Variants in EHBP1 observed in about 807,000 individuals in gnomAD.
The protein encoded by EHBP1 is EH domain binding protein 1.
Under a neutral mutation model 144.0 loss-of-function variants are expected in EHBP1, and 55 were observed. The ratio of observed to expected loss-of-function variants is 0.38; its 90% CI spans 0.31 to 0.48. The LOEUF (loss-of-function observed/expected upper bound fraction) is 0.48. EHBP1 is among the 20% of genes least tolerant of loss of function. The pLI is 0.98. For missense variants in EHBP1, 1,200 were observed against 1,364.2 expected (o/e 0.88, Z 1.90); for synonymous variants, 469 against 472.7 (o/e 0.99, Z 0.10).
At chr2:62,832,438 C>CTTTTTTTTT (rs202005406) in intron 7 of EHBP1, among the ~76,000 whole-genome samples, 7 of 117,814 alleles carry the variant, frequency 5.9e-5, no homozygotes, top group South Asian at 2.9e-4. Flanking sequence ...TTTCTTTTTT[C>CTTTTTTTTT]TTTTTTTTTT....
intron 19 of EHBP1, among the ~76,000 whole-genome samples, chr2:63,032,386 G>A (rs1559094321): frequency 6.6e-6 from 1 of 151,582 alleles, no homozygotes; most frequent in Non-Finnish European, 1.5e-5. Flanking sequence ...GGCTAACACG[G>A]TGAAACCCCG....
intron 8 of EHBP1, among the ~76,000 whole-genome samples, chr2:62,863,513 G>T (rs1447828946): frequency 6.6e-6 from 1 of 152,074 alleles, no homozygotes; most frequent in Non-Finnish European, 1.5e-5. Flanking sequence ...AGAAAAACTT[G>T]ATATATCTAT....
At chr2:62,955,733 G>A in intron 14 of EHBP1, 73 bp downstream of exon 14, 3 of 1,499,012 alleles carry the variant, frequency 2.0e-6, no homozygotes, top group Admixed American at 2.1e-5. Flanking sequence ...TAATTTGCTT[G>A]TATTTCTGCT....
intron 2 of EHBP1, among the ~76,000 whole-genome samples, chr2:62,746,653 C>T (rs200436213): frequency 5.3e-5 from 8 of 151,896 alleles, no homozygotes; most frequent in South Asian, 2.1e-4. Context: ...GAAGTAATTG[C>T]GGTTTTAGTC....
chr2:62,749,512 G>T (rs2039472541), intron 3 of EHBP1, among the ~76,000 whole-genome samples: 1 of 152,168 alleles, frequency 6.6e-6, no homozygotes. Context: ...GTAATGGGAT[G>T]GCTGGGTCAA....
chr2:62,824,161 A>C (rs535417222), intron 5 of EHBP1, among the ~76,000 whole-genome samples: 267 of 152,144 alleles, frequency 1.8e-3, no homozygotes, highest in Non-Finnish European at 3.1e-3. Flanking sequence ...AGACTTTTGC[A>C]GAAGCATTCT....
intron 2 of EHBP1, among the ~76,000 whole-genome samples, chr2:62,740,029 G>T (rs1243060045): frequency 1.3e-5 from 2 of 151,544 alleles, no homozygotes; most frequent in Non-Finnish European, 2.9e-5. Flanking sequence ...CCATCTGAAA[G>T]TACACTCTGC....
chr2:62,855,342 G>A (rs781358761), intron 7 of EHBP1, among the ~76,000 whole-genome samples: 3 of 152,188 alleles, frequency 2.0e-5, no homozygotes, highest in African/African-American at 4.8e-5. Flanking sequence ...TTTGGGCACC[G>A]ATGAGCATAG....
At chr2:62,836,221 A>T (rs2047238599) in intron 7 of EHBP1, among the ~76,000 whole-genome samples, 1 of 152,162 alleles carries the variant, frequency 6.6e-6, no homozygotes, top group African/African-American at 2.4e-5. Flanking sequence ...GGCACCCCCC[A>T]GCAGGGGCAC....
At chr2:62,863,837 G>GGT (rs2049810497) in intron 8 of EHBP1, among the ~76,000 whole-genome samples, 2 of 74,576 alleles carry the variant, frequency 2.7e-5, no homozygotes. Flanking sequence ...ATTTTTCTGT[G>GGT]TTGTTTTTTT....
At chr2:62,780,550 A>G (rs754533262) in intron 5 of EHBP1, among the ~76,000 whole-genome samples, 3 of 152,126 alleles carry the variant, frequency 2.0e-5, no homozygotes, top group Admixed American at 6.5e-5. Context: ...GTGCTTCTAG[A>G]GGAAAAATCC....
At chr2:63,044,826 T>C in intron 21 of EHBP1, 1 of 404,550 alleles carries the variant, frequency 2.5e-6, no homozygotes, top group South Asian at 3.6e-5. Flanking sequence ...CACACCTGGT[T>C]CTAAGCAGGT....
intron 15 of EHBP1, among the ~76,000 whole-genome samples, chr2:62,987,657 T>C (rs1334750211): frequency 6.6e-6 from 1 of 152,162 alleles, no homozygotes; most frequent in African/African-American, 2.4e-5. Flanking sequence ...AGGGACTCAA[T>C]GAGCTCAGTG....
intron 19 of EHBP1, among the ~76,000 whole-genome samples, chr2:63,002,651 G>A (rs567264421): frequency 6.6e-6 from 1 of 152,092 alleles, no homozygotes; most frequent in African/African-American, 2.4e-5. Context: ...GAATGAGTAA[G>A]AGAAAAGGGA....
At position 62,979,230 on chromosome 2, in the gene EHBP1, C is replaced by T. The variant is rs2058851132; in HGVS notation, c.2503C>T (p.Arg835Cys). 1.2e-6 allele frequency: 2 copies of T among 1,613,486 alleles called. No homozygotes were observed. Among genetic ancestry groups the T allele is most frequent in the South Asian group, 1.1e-5 (1 of 90,998 alleles). ...ACGTCGGCAGCTGAGAGAGAGAGCT[C>T]GTCAGCTAATAGCAGAAGCTCGATC... Reference protein sequence around the residue: ...ERRRQLRERARQLIAEARSGV... With the variant: ...ERRRQLRERACQLIAEARSGV... Residue 835 changes from arginine to cysteine, a missense_variant, in exon 15 of 23, where the codon CGT (arginine) becomes TGT (cysteine). Transcript: ENST00000431489.
intron 7 of EHBP1, among the ~76,000 whole-genome samples, chr2:62,836,919 G>A (rs2047309653): frequency 6.9e-6 from 1 of 145,060 alleles, no homozygotes; most frequent in African/African-American, 2.5e-5. Context: ...CACTCTGCAG[G>A]ATATTATCCA....
At chr2:62,720,941 C>A (rs1440941271) in intron 2 of EHBP1, among the ~76,000 whole-genome samples, 1 of 152,078 alleles carries the variant, frequency 6.6e-6, no homozygotes, top group Non-Finnish European at 1.5e-5. Flanking sequence ...ATCACATCAC[C>A]CAGCTTTTTT....
At chr2:62,943,894 C>A in intron 12 of EHBP1, 44 bp downstream of exon 12, 2 of 1,465,548 alleles carry the variant, frequency 1.4e-6, no homozygotes, top group Non-Finnish European at 9.5e-7. Flanking sequence ...TCAATTTTGG[C>A]TTCTCTGCAG....
chr2:62,838,148 C>A (rs1202850996), intron 7 of EHBP1, among the ~76,000 whole-genome samples: 1 of 151,704 alleles, frequency 6.6e-6, no homozygotes, highest in African/African-American at 2.4e-5. Context: ...ATCTCTCAGA[C>A]CACAGTGCAA....
Sources: allele counts gnomAD v4.1 joint callset (sites outside exome capture counted in the v4.1 genomes callset), GRCh38; gene constraint gnomAD v4.1.1; transcripts MANE v1.5; gene names NCBI Gene and HGNC (gene_info 2026-07-23, HGNC 2026-07-21).